The following PAPPA variants were observed in gnomAD, a reference collection of about 807,000 sequenced individuals.
PAPPA encodes the protein pappalysin-1.
In PAPPA, 60 loss-of-function variants were observed where a neutral mutation model predicts 164.0. The observed-to-expected ratio is 0.37, with a 90% CI of 0.30 to 0.45. PAPPA has a LOEUF of 0.45. Among genes scored for constraint, PAPPA ranks in the 20% least tolerant of loss-of-function variants. PAPPA has a pLI of 1.00. For synonymous variants in PAPPA, 875 were observed against 814.1 expected, an observed-to-expected ratio of 1.07 and a Z score of -1.27; for missense variants, 1,782 against 2,087.3, an observed-to-expected ratio of 0.85 and a Z score of 2.85.
rs143514230 is a variant in PAPPA at position 116,344,334 on chromosome 9, G to A, written c.3612-209G>A. On this transcript the variant is annotated intron_variant, in intron 13 of 21. Transcript: ENST00000328252. ...TTTCAAGTGGCAAGATTTGAACTCTGGTTTGTCTGTTGCCATAACTTGTGC... is the reference window on the plus strand; with the variant it reads ...TTTCAAGTGGCAAGATTTGAACTCTAGTTTGTCTGTTGCCATAACTTGTGC... Among the ~76,000 whole-genome samples the A allele has an allele frequency of 7.4e-3, 1,129 of 152,248 alleles. 7 individuals are homozygous for A. Among genetic ancestry groups the A allele is most frequent in the Admixed American group, 0.018 (280 of 15,300 alleles).
rs566327229 is a variant in PAPPA, at chr9:116,177,402, A to G, written c.416-9752A>G. Among the ~76,000 whole-genome samples, 4 of 152,278 alleles carry G rather than the reference A, an allele frequency of 2.6e-5. No homozygotes were observed. In the East Asian group the frequency reaches 7.7e-4, roughly 29 times the overall value. On this transcript the variant is annotated intron_variant, in intron 1 of 21. Coordinates refer to ENST00000328252, the MANE Select transcript of PAPPA (RefSeq NM_002581.5). ...CATGCATACATATAAGCATTTTGTC[A>G]ACTTAATTGGTGCTTTCTACTTGCC...
At chr9:116,331,153 A>G in intron 10 of PAPPA, 91 bp from the exon 11 acceptor site, 1 of 787,082 alleles carries the variant, frequency 1.3e-6, no homozygotes, top group Non-Finnish European at 2.1e-6. Flanking sequence ...CAAGAGCAAA[A>G]TAGGTGAACA....
chr9:116,173,223 TGA>T (rs1242495764), intron 1 of PAPPA, among the ~76,000 whole-genome samples: 1 of 152,198 alleles, frequency 6.6e-6, no homozygotes, highest in Non-Finnish European at 1.5e-5. Context: ...TTTTTTGAGT[TGA>T]GTTATTTATA....
chr9:116,283,756 G>A (rs903927386), intron 9 of PAPPA, among the ~76,000 whole-genome samples: 4 of 152,162 alleles, frequency 2.6e-5, no homozygotes, highest in African/African-American at 7.2e-5. Context: ...CAGTTTAGGA[G>A]TCCAAAACCA....
intron 10 of PAPPA, among the ~76,000 whole-genome samples, chr9:116,323,737 GTTTC>G (rs1218224314): frequency 2.0e-5 from 3 of 152,118 alleles, no homozygotes; most frequent in African/African-American, 7.2e-5. Context: ...GGCTTTGTTT[GTTTC>G]TTTGTTTGTT....
chr9:116,254,211 T>C (rs934773455), intron 7 of PAPPA, among the ~76,000 whole-genome samples: 3 of 152,150 alleles, frequency 2.0e-5, no homozygotes, highest in African/African-American at 7.2e-5. Context: ...CCAATGAGCA[T>C]CCTAAAAGCA....
chr9:116,184,678 G>A (rs1843948596), intron 1 of PAPPA, among the ~76,000 whole-genome samples: 1 of 152,162 alleles, frequency 6.6e-6, no homozygotes, highest in Admixed American at 6.5e-5. Flanking sequence ...AGTAACTGCT[G>A]TCATCAAAAT....
intron 7 of PAPPA, among the ~76,000 whole-genome samples, chr9:116,251,146 T>C (rs537323109): frequency 2.0e-5 from 3 of 152,162 alleles, no homozygotes; most frequent in Non-Finnish European, 4.4e-5. Flanking sequence ...GAAGCAAGGC[T>C]TACAAAAGAG....
chr9:116,172,553 C>A (rs895976476), intron 1 of PAPPA, among the ~76,000 whole-genome samples: 1 of 152,174 alleles, frequency 6.6e-6, no homozygotes, highest in African/African-American at 2.4e-5. Flanking sequence ...TGACTGAGAA[C>A]CACTGACTTA....
intron 21 of PAPPA, among the ~76,000 whole-genome samples, chr9:116,383,121 G>A (rs1464409976): frequency 1.3e-5 from 2 of 152,080 alleles, no homozygotes; most frequent in Non-Finnish European, 2.9e-5. Flanking sequence ...AGTGTTTATA[G>A]TAAACCAAAG....
intron 3 of PAPPA, among the ~76,000 whole-genome samples, chr9:116,209,583 T>C (rs544950398): frequency 6.6e-6 from 1 of 152,262 alleles, no homozygotes; most frequent in East Asian, 1.9e-4. Context: ...TTCAGGATGA[T>C]GTCAGGCTCA....
intron 9 of PAPPA, among the ~76,000 whole-genome samples, chr9:116,294,283 C>T (rs553097108): frequency 2.0e-5 from 3 of 152,062 alleles, no homozygotes; most frequent in African/African-American, 7.2e-5. Flanking sequence ...TGTGGCCAAC[C>T]TTTGAAGGAA....
At chr9:116,298,246 T>A (rs1845533523) in intron 9 of PAPPA, among the ~76,000 whole-genome samples, 1 of 152,232 alleles carries the variant, frequency 6.6e-6, no homozygotes, top group Admixed American at 6.5e-5. Flanking sequence ...AGTCAGCTGG[T>A]GGCAGTATCA....
At chr9:116,304,853 A>G (rs1845624077) in intron 10 of PAPPA, among the ~76,000 whole-genome samples, 2 of 152,138 alleles carry the variant, frequency 1.3e-5, no homozygotes, top group Admixed American at 6.5e-5. Context: ...ACTAGGTTCC[A>G]TTACTCTGGG....
chr9:116,256,112 G>A (rs373969237), intron 7 of PAPPA, among the ~76,000 whole-genome samples: 11 of 151,336 alleles, frequency 7.3e-5, no homozygotes, highest in African/African-American at 2.7e-4. Context: ...GGGAGCACAT[G>A]ATTCCCACAG....
chr9:116,354,766 A>G (rs1397156692), intron 17 of PAPPA, among the ~76,000 whole-genome samples: 1 of 152,022 alleles, frequency 6.6e-6, no homozygotes, highest in Admixed American at 6.6e-5. Flanking sequence ...TCCTGTTTTA[A>G]TTCCTGTGCC....
At chr9:116,236,518 CG>C (rs1241995458) in intron 7 of PAPPA, among the ~76,000 whole-genome samples, 1 of 145,666 alleles carries the variant, frequency 6.9e-6, no homozygotes, top group Non-Finnish European at 1.5e-5. Context: ...ATCCAGGAGG[CG>C]GGGTTGCAGT....
At chr9:116,273,358 G>A (rs1845159355) in intron 9 of PAPPA, among the ~76,000 whole-genome samples, 1 of 152,186 alleles carries the variant, frequency 6.6e-6, no homozygotes, top group Admixed American at 6.5e-5. Context: ...AGATTTATTG[G>A]AACACAGTCA....
At chr9:116,286,408 T>A (rs1008996029) in intron 9 of PAPPA, 2 of 152,214 alleles carry the variant, frequency 1.3e-5, no homozygotes, top group Non-Finnish European at 2.9e-5. Flanking sequence ...GAACTGCAGG[T>A]CTGCCACCCC....
Sources: gnomAD v4.1 joint callset for allele counts (sites outside exome capture counted in the v4.1 genomes callset) on GRCh38, gnomAD v4.1.1 for gene constraint, MANE v1.5 for transcripts, NCBI Gene and HGNC (gene_info 2026-07-23, HGNC 2026-07-21) for gene names.